Variants in UBA3 observed in about 807,000 individuals in gnomAD.
UBA3 encodes ubiquitin like modifier activating enzyme 3.
In UBA3, 26 loss-of-function variants were observed where a neutral mutation model predicts 73.5. That is an observed-to-expected ratio of 0.35 (90% CI 0.26 to 0.49). UBA3 has a LOEUF of 0.49. Ranked by LOEUF, UBA3 falls within the 20% of genes least tolerant of loss-of-function variation. The pLI is 0.98. For synonymous variants in UBA3, 217 were observed against 191.2 expected (o/e 1.13, Z -1.11); for missense variants, 495 against 555.6 (o/e 0.89, Z 1.10).
rs777491777 is a variant in UBA3, at chr3:69,055,461, T to C, written c.1368A>G (p.Leu456=). The change falls in exon 18 of 18, where the codon CTA becomes CTG. Residue 456 remains leucine (L), a synonymous_variant. Transcript: ENST00000361055. The part of the protein sequence containing the change: ...VADVTTPQTV[L]FKLHFTS ...CTTAAGAAGTAAAATGAAGTTTGAATAGTACAGTCTGTGGGGTGGTGACAT... is the reference window on the plus strand; with the variant it reads ...CTTAAGAAGTAAAATGAAGTTTGAACAGTACAGTCTGTGGGGTGGTGACAT... The C allele has an allele frequency of 3.9e-6, 6 of 1,550,792 alleles. No homozygotes were observed. The highest frequency in any genetic ancestry group is 5.2e-6 in the Non-Finnish European group (6 of 1,160,036).
chr3:69,069,534 C>T (rs2092104521), intron 5 of UBA3, among the ~76,000 whole-genome samples: 1 of 152,004 alleles, frequency 6.6e-6, no homozygotes, highest in South Asian at 2.1e-4. Flanking sequence ...ACCGTGTTGG[C>T]CGGGCTGGTC....
chr3:69,066,209 T>C (rs977105370), intron 6 of UBA3, among the ~76,000 whole-genome samples: 4 of 152,168 alleles, frequency 2.6e-5, no homozygotes, highest in Non-Finnish European at 5.9e-5. Context: ...CAGGCTGGAA[T>C]GCAGTGGCTA....
chr3:69,066,118 T>G (rs2092069436), intron 6 of UBA3, among the ~76,000 whole-genome samples: 1 of 152,204 alleles, frequency 6.6e-6, no homozygotes, highest in East Asian at 1.9e-4. Flanking sequence ...AAGTTCAGTG[T>G]ATCAATTTTT....
intron 1 of UBA3, 42 bp downstream of exon 1, chr3:69,080,292 A>G (rs1218802454): frequency 6.2e-7 from 1 of 1,601,672 alleles, no homozygotes; most frequent in African/African-American, 1.3e-5. Flanking sequence ...CTCTCTCACA[A>G]CCCAGCCCAG....
At chr3:69,080,272 C>A in intron 1 of UBA3, 62 bp downstream of exon 1, 1 of 1,589,406 alleles carries the variant, frequency 6.3e-7, no homozygotes. Flanking sequence ...GGCAACCGCC[C>A]ACCGCCGCGC....
At position 69,056,174 on chromosome 3, in the gene UBA3, A is replaced by C; in HGVS notation, c.1184+9T>G. 1.3e-6 allele frequency: 2 copies of C among 1,571,230 alleles called. No individual in the cohort carries two copies. The highest frequency in any genetic ancestry group is 1.7e-6 in the Non-Finnish European group (2 of 1,165,600). On this transcript the variant is annotated intron_variant, in intron 15 of 17. Coordinates refer to ENST00000361055, the MANE Select transcript of UBA3 (RefSeq NM_003968.4). ...TTTTTACAACATAACAAAAATCTAC[A>C]ATACTTACAGAGAAGCACTATTGGT... is the stretch of plus-strand genomic sequence containing the variant.
intron 11 of UBA3, among the ~76,000 whole-genome samples, chr3:69,058,623 AAGG>A (rs1407922955): frequency 1.2e-4 from 18 of 152,342 alleles, no homozygotes; most frequent in African/African-American, 2.6e-4. Flanking sequence ...GATGTACTGA[AAGG>A]AGGAAGTGGT....
intron 3 of UBA3, chr3:69,077,366 C>A (rs1366275712): frequency 6.5e-6 from 1 of 153,156 alleles, no homozygotes; most frequent in Non-Finnish European, 1.5e-5. Flanking sequence ...GTCCAAAATT[C>A]TACGCCTCTA....
In UBA3 at chr3:69,062,046, T is replaced by G. The variant is rs926432910; in HGVS notation, c.796+31A>C. The G allele has an allele frequency of 2.7e-6, 4 of 1,487,476 alleles. No individual in the cohort carries two copies. The African/African-American group carries it at 5.6e-5, about 21-fold the overall frequency. The allele number at this position is 1,487,476 out of a possible 1,614,324, so 92.1% of individuals were successfully genotyped here. A position where few individuals can be genotyped will look rare whatever the true frequency, so the allele number is the denominator to read the frequency against. On this transcript the variant is annotated intron_variant, in intron 10 of 17. Transcript: ENST00000361055. ...ATATAGAAAAAATATGTATTTTATGTAATTCTAGATTATTAAATTAGGTTT... is the reference window on the plus strand; with the variant it reads ...ATATAGAAAAAATATGTATTTTATGGAATTCTAGATTATTAAATTAGGTTT...
At chr3:69,067,855 T>C in intron 6 of UBA3, 73 bp downstream of exon 6, 2 of 1,155,052 alleles carry the variant, frequency 1.7e-6, no homozygotes, top group East Asian at 5.2e-5. Flanking sequence ...CTGTATTCTC[T>C]GTTAAATATC....
At chr3:69,080,305 C>T (rs753683064) in intron 1 of UBA3, 29 bp downstream of exon 1, 8 of 1,603,576 alleles carry the variant, frequency 5.0e-6, no homozygotes, top group Non-Finnish European at 6.8e-6. Context: ...CAGCCCAGCC[C>T]GGCGCGTCTG....
intron 3 of UBA3, 101 bp from the exon 4 acceptor site, chr3:69,075,611 A>ATCTGGTAATAT: frequency 1.9e-6 from 1 of 539,376 alleles, no homozygotes; most frequent in South Asian, 5.7e-5. Context: ...TCCAGGAAAA[A>ATCTGGTAATAT]ATGCCACTAG....
At chr3:69,065,544 C>T (rs1028972845) in intron 6 of UBA3, among the ~76,000 whole-genome samples, 1 of 152,184 alleles carries the variant, frequency 6.6e-6, no homozygotes, top group African/African-American at 2.4e-5. Flanking sequence ...CTGGGCTTAA[C>T]TGATCTTCCT....
rs1442488548 is a variant in UBA3 at position 69,063,254 on chromosome 3, C to A, written c.538-117G>T. 6.6e-6 allele frequency: 9 copies of A among 1,361,352 alleles called. No individual in the cohort carries two copies. The South Asian group carries it at 8.0e-5, about 12-fold the overall frequency. 84.3% of individuals were successfully genotyped at this position (1,361,352 alleles called of 1,614,324 possible). On this transcript the variant is annotated intron_variant, in intron 8 of 17. Coordinates refer to ENST00000361055, the MANE Select transcript of UBA3 (RefSeq NM_003968.4). Reference sequence around the variant, plus strand: ...GCTATTGAATACCAATGTATCAAATCAAGGGATTATAATAACAATTTGTGT... The same window carrying A: ...GCTATTGAATACCAATGTATCAAATAAAGGGATTATAATAACAATTTGTGT...
At chr3:69,077,103 TTTTC>T (rs1296290332) in intron 3 of UBA3, among the ~76,000 whole-genome samples, 1 of 151,666 alleles carries the variant, frequency 6.6e-6, no homozygotes, top group East Asian at 1.9e-4. Context: ...TTTCAATTCT[TTTTC>T]TTTTTTTTTT....
At chr3:69,077,365 T>C (rs1470992272) in intron 3 of UBA3, 1 of 153,238 alleles carries the variant, frequency 6.5e-6, no homozygotes, top group Non-Finnish European at 1.5e-5. Context: ...AGTCCAAAAT[T>C]CTACGCCTCT....
intron 4 of UBA3, among the ~76,000 whole-genome samples, chr3:69,073,118 T>C (rs2092135515): frequency 6.6e-6 from 1 of 152,182 alleles, no homozygotes; most frequent in East Asian, 1.9e-4. Context: ...GTAACCTAGG[T>C]GAAAAGCCAA....
chr3:69,069,817 T>G (rs190289603), intron 5 of UBA3, among the ~76,000 whole-genome samples: 4 of 152,352 alleles, frequency 2.6e-5, no homozygotes, highest in Admixed American at 6.5e-5. Flanking sequence ...TAAAGTAGAC[T>G]TCTAAGATTA....
rs1295825152 is a variant in UBA3, at chr3:69,080,319, AG to A, written c.20+14del. 2.9e-5 allele frequency: 47 copies of A among 1,603,984 alleles called. No individual in the cohort carries two copies. Among genetic ancestry groups the A allele is most frequent in the Non-Finnish European group, 3.8e-5 (45 of 1,177,280 alleles). On this transcript the variant is annotated intron_variant, in intron 1 of 17. Transcript: ENST00000361055. ...CCAGCCCAGCCCGGCGCGTCTGCAG[AG>A]CCCCGGTACTTACGGCTCCTCGCCA...
Sources: gnomAD v4.1 joint callset for allele counts (sites outside exome capture counted in the v4.1 genomes callset) on GRCh38, gnomAD v4.1.1 for gene constraint, MANE v1.5 for transcripts, NCBI Gene and HGNC (gene_info 2026-07-23, HGNC 2026-07-21) for gene names.